Variants in GRID1 observed in about 807,000 individuals in gnomAD.
GRID1 encodes the protein glutamate ionotropic receptor delta type subunit 1, also known as glutamate receptor ionotropic, delta-1.
GRID1 carries 28 observed loss-of-function variants against 98.0 expected under a neutral mutation model. The observed-to-expected ratio is 0.29, with a 90% CI of 0.21 to 0.39. The LOEUF (loss-of-function observed/expected upper bound fraction) is 0.39, where lower values mean the gene tolerates loss of function less well. GRID1 is among the 10% of genes least tolerant of loss of function. The pLI, the probability that GRID1 is intolerant of heterozygous loss-of-function variation, is 1.00. For missense variants in GRID1, 1,111 were observed against 1,340.5 expected (o/e 0.83, Z 2.67); for synonymous variants, 553 against 538.5 (o/e 1.03, Z -0.37).
At chr10:86,002,615 C>G (rs1007831970) in intron 4 of GRID1, among the ~76,000 whole-genome samples, 2 of 152,156 alleles carry the variant, frequency 1.3e-5, no homozygotes, top group Non-Finnish European at 2.9e-5. Context: ...CACTTACAAC[C>G]CCCCAGACTC....
intron 8 of GRID1, among the ~76,000 whole-genome samples, chr10:85,788,125 C>T (rs1842446698): frequency 6.6e-6 from 1 of 151,732 alleles, no homozygotes; most frequent in African/African-American, 2.4e-5. Flanking sequence ...GAATGTCTGA[C>T]ACACAGCAGA....
chr10:85,710,231 C>T (rs921613566), intron 12 of GRID1, among the ~76,000 whole-genome samples: 4 of 152,004 alleles, frequency 2.6e-5, no homozygotes, highest in Non-Finnish European at 5.9e-5. Context: ...TAATTCAAAG[C>T]TATGATAATA....
In GRID1 at chr10:86,056,086, C is replaced by T. The variant is rs147241021; in HGVS notation, c.726+82733G>A. ...TTAATAAGGAGTTCACAGCTTCCTG[C>T]CCAGCCTCAGGGCTGTGACCAGAGC... On this transcript the variant is annotated intron_variant, in intron 4 of 15. Transcript: ENST00000327946. 1.2e-4 allele frequency among the ~76,000 whole-genome samples: 19 copies of T among 152,332 alleles called. No individual in the cohort carries two copies. In the East Asian group the frequency reaches 2.9e-3, roughly 23 times the overall value.
At chr10:85,679,130 T>C (rs977479488) in intron 12 of GRID1, among the ~76,000 whole-genome samples, 6 of 152,176 alleles carry the variant, frequency 3.9e-5, no homozygotes, top group Non-Finnish European at 7.3e-5. Context: ...TCAGTGGTGG[T>C]GGGAGGCAGA....
chr10:86,289,638 C>T (rs1847484303), intron 2 of GRID1, among the ~76,000 whole-genome samples: 1 of 152,122 alleles, frequency 6.6e-6, no homozygotes, highest in African/African-American at 2.4e-5. Context: ...GGCAGCCACT[C>T]ATCCATCCTG....
At chr10:85,759,238 T>C (rs1045972888) in intron 8 of GRID1, among the ~76,000 whole-genome samples, 2 of 152,180 alleles carry the variant, frequency 1.3e-5, no homozygotes, top group South Asian at 2.1e-4. Context: ...ACTGAGGGCC[T>C]TTCCCTCTCC....
intron 12 of GRID1, among the ~76,000 whole-genome samples, chr10:85,663,129 C>T (rs1011918949): frequency 3.3e-5 from 5 of 152,068 alleles, no homozygotes; most frequent in African/African-American, 9.7e-5. Flanking sequence ...GGAATGCATC[C>T]CCCCAAAGTA....
chr10:85,751,780 A>C (rs189241346), intron 8 of GRID1, among the ~76,000 whole-genome samples: 1 of 152,220 alleles, frequency 6.6e-6, no homozygotes, highest in Non-Finnish European at 1.5e-5. Flanking sequence ...AAGTAAAAAA[A>C]TTATTGTTAA....
chr10:85,813,596 A>G (rs1046801782), intron 8 of GRID1, among the ~76,000 whole-genome samples: 2 of 151,934 alleles, frequency 1.3e-5, no homozygotes, highest in East Asian at 3.8e-4. Flanking sequence ...AATATTAAAA[A>G]TGTTTTTTAA....
At chr10:86,299,923 A>G (rs936709409) in intron 2 of GRID1, among the ~76,000 whole-genome samples, 3 of 152,210 alleles carry the variant, frequency 2.0e-5, no homozygotes, top group African/African-American at 7.2e-5. Flanking sequence ...GACCTGGCCC[A>G]GTGGAATATG....
chr10:85,606,956 C>T (rs948067319), intron 15 of GRID1: 3 of 152,174 alleles, frequency 2.0e-5, no homozygotes, highest in Non-Finnish European at 2.9e-5. Flanking sequence ...AAACTTACTG[C>T]TATCTTCATT....
intron 8 of GRID1, among the ~76,000 whole-genome samples, chr10:85,778,483 C>T (rs1310556161): frequency 6.6e-5 from 10 of 152,168 alleles, no homozygotes; most frequent in Non-Finnish European, 1.5e-4. Context: ...CTTTTCTGCT[C>T]ATCATTATAG....
chr10:86,117,381 T>C (rs894865209), intron 4 of GRID1, among the ~76,000 whole-genome samples: 9 of 150,336 alleles, frequency 6.0e-5, no homozygotes, highest in Non-Finnish European at 1.3e-4. Flanking sequence ...AACACCATCA[T>C]GATCAACACC....
chr10:86,342,227 C>T (rs188509986), intron 2 of GRID1, among the ~76,000 whole-genome samples: 6 of 152,272 alleles, frequency 3.9e-5, no homozygotes, highest in Non-Finnish European at 8.8e-5. Flanking sequence ...GCAGGTCACA[C>T]GGCCCTCATG....
At chr10:86,285,462 C>T (rs1189244929) in intron 2 of GRID1, among the ~76,000 whole-genome samples, 6 of 152,240 alleles carry the variant, frequency 3.9e-5, no homozygotes, top group African/African-American at 1.4e-4. Flanking sequence ...ACAAAAGGCG[C>T]AGCTTCTCAT....
At chr10:85,822,203 A>C (rs1009037058) in intron 8 of GRID1, among the ~76,000 whole-genome samples, 43 of 152,238 alleles carry the variant, frequency 2.8e-4, no homozygotes, top group African/African-American at 7.2e-4. Context: ...TAATTAAACT[A>C]AAGAGCTTCT....
intron 4 of GRID1, among the ~76,000 whole-genome samples, chr10:86,107,191 G>A (rs1046417925): frequency 3.9e-5 from 6 of 152,188 alleles, no homozygotes; most frequent in Admixed American, 6.5e-5. Context: ...GTGGCACCAC[G>A]GCACACCTGC....
At chr10:86,361,322 A>G (rs771075680) in intron 2 of GRID1, among the ~76,000 whole-genome samples, 6 of 151,970 alleles carry the variant, frequency 3.9e-5, no homozygotes, top group Non-Finnish European at 8.8e-5. Context: ...ATAACAATGG[A>G]TTTCAGTCCA....
chr10:86,364,192 C>T, intron 1 of GRID1, 96 bp from the exon 2 acceptor site: 1 of 1,037,690 alleles, frequency 9.6e-7, no homozygotes. Context: ...CCGATGATTG[C>T]CGGGTGGTGG....
Sources: gnomAD v4.1 joint callset for allele counts (sites outside exome capture counted in the v4.1 genomes callset) on GRCh38, gnomAD v4.1.1 for gene constraint, MANE v1.5 for transcripts, NCBI Gene and HGNC (gene_info 2026-07-23, HGNC 2026-07-21) for gene names.